Variants in FGF9 observed in about 807,000 individuals in gnomAD.
FGF9 encodes fibroblast growth factor 9 (glia-activating factor).
FGF9 carries 3 observed loss-of-function variants against 19.9 expected under a neutral mutation model. The observed-to-expected ratio is 0.15, with a 90% confidence interval of 0.07 to 0.39. The LOEUF is 0.39. FGF9 is among the 10% of genes least tolerant of loss of function. The pLI, the probability that FGF9 is intolerant of heterozygous loss-of-function variation, is 1.00. For synonymous variants in FGF9, 107 were observed against 106.9 expected (o/e 1.00, Z -0.01); for missense variants, 175 against 256.8 (o/e 0.68, Z 2.18).
chr13:21,702,375 G>T lies in FGF9; in HGVS notation c.*940G>T, dbSNP rs1872570402. On this transcript the variant is annotated 3_prime_UTR_variant, in exon 3 of 3. Transcript: ENST00000382353. ...TCCCAGAGGATTAAAGATAAACTGG[G>T]TCTCAAACTTTGATTCTGTGTCTGC... The T allele has an allele frequency of 6.6e-6, 1 of 152,188 alleles. No individual in the cohort carries two copies. The highest frequency in any genetic ancestry group is 1.5e-5 in the Non-Finnish European group (1 of 68,042). The allele number at this position is 152,188 out of a possible 1,614,324, so 9.4% of individuals were successfully genotyped here.
intron 2 of FGF9, among the ~76,000 whole-genome samples, chr13:21,684,267 G>A (rs1872107327): frequency 6.6e-6 from 1 of 150,932 alleles, no homozygotes; most frequent in South Asian, 2.1e-4. Flanking sequence ...TCACAGTACA[G>A]TTTACAGTGT....
At chr13:21,678,036 C>G (rs1182771947) in intron 1 of FGF9, among the ~76,000 whole-genome samples, 1 of 152,128 alleles carries the variant, frequency 6.6e-6, no homozygotes, top group Non-Finnish European at 1.5e-5. Flanking sequence ...GTTCTTCTTC[C>G]CAACAGATGG....
chr13:21,676,654 G>T (rs1871922115), intron 1 of FGF9, among the ~76,000 whole-genome samples: 1 of 152,200 alleles, frequency 6.6e-6, no homozygotes, highest in South Asian at 2.1e-4. Flanking sequence ...GCTCTGCAGG[G>T]AAGAGGCTTA....
At chr13:21,676,005 C>T (rs1446669922) in intron 1 of FGF9, among the ~76,000 whole-genome samples, 1 of 151,102 alleles carries the variant, frequency 6.6e-6, no homozygotes, top group Non-Finnish European at 1.5e-5. Flanking sequence ...AATTGTATCT[C>T]TGTGCAGTAG....
chr13:21,675,426 C>T (rs567343878), intron 1 of FGF9, among the ~76,000 whole-genome samples: 1 of 152,122 alleles, frequency 6.6e-6, no homozygotes, highest in Admixed American at 6.5e-5. Flanking sequence ...CAGCCCCGCC[C>T]GGAACGAGGC....
In FGF9 at chr13:21,672,164, A is replaced by T. The variant is rs1871784439; in HGVS notation, c.252A>T (p.Gly84=). 1.2e-6 allele frequency: 2 copies of T among 1,614,120 alleles called. No individual in the cohort carries two copies. The highest frequency in any genetic ancestry group is 1.3e-5 in the African/African-American group (1 of 74,926). ...LEIFPNGTIQ[G]TRKDHSRFGI... is the part of the protein sequence containing the mutation. ...TCTTCCCCAATGGTACTATCCAGGG[A>T]ACCAGGAAAGACCACAGCCGATTTG... is the stretch of plus-strand genomic sequence containing the variant. The change falls in exon 1 of 3, where the codon GGA becomes GGT. Residue 84 remains glycine, a synonymous_variant. Transcript: ENST00000382353. The surrounding 1 kb of genome is among the most constrained non-coding windows in gnomAD (Gnocchi z 4.2).
intron 2 of FGF9, among the ~76,000 whole-genome samples, chr13:21,682,515 A>C (rs1032708569): frequency 1.3e-5 from 2 of 152,160 alleles, no homozygotes; most frequent in Non-Finnish European, 2.9e-5. Flanking sequence ...AAATGCTAAA[A>C]TGTATTTGTA....
At position 21,672,330 on chromosome 13, in the gene FGF9, C is replaced by G; in HGVS notation, c.277+141C>G. 3 of 956,478 alleles carry G rather than the reference C, an allele frequency of 3.1e-6. No individual in the cohort carries two copies. Among genetic ancestry groups the G allele is most frequent in the South Asian group, 2.7e-5 (2 of 73,124 alleles). 59.2% of individuals were successfully genotyped at this position (956,478 alleles called of 1,614,324 possible). A position where few individuals can be genotyped will look rare whatever the true frequency, so the allele number is the denominator to read the frequency against. ...TCTCTGTATCTCTGTCTCTCTCTCTCTCTGTCTTGCCAGCTCCGAAAAAAA... is the reference window on the plus strand; with the variant it reads ...TCTCTGTATCTCTGTCTCTCTCTCTGTCTGTCTTGCCAGCTCCGAAAAAAA... On this transcript the variant is annotated intron_variant, in intron 1 of 2. Transcript: ENST00000382353. The surrounding 1 kb of genome is among the most constrained non-coding windows in gnomAD (Gnocchi z 4.2).
chr13:21,683,088 CA>C (rs1339072260), intron 2 of FGF9, among the ~76,000 whole-genome samples: 1 of 152,184 alleles, frequency 6.6e-6, no homozygotes, highest in East Asian at 1.9e-4. Context: ...CTCCAAGGAT[CA>C]CCTTGCACAC....
chr13:21,682,014 CT>C (rs1180691495), intron 2 of FGF9, among the ~76,000 whole-genome samples: 706 of 141,954 alleles, frequency 5.0e-3, no homozygotes, highest in Middle Eastern at 7.8e-3. Flanking sequence ...TCTTTTCTTT[CT>C]TTTTTTTTTT....
At chr13:21,693,971 TC>T (rs1286041287) in intron 2 of FGF9, among the ~76,000 whole-genome samples, 7 of 152,166 alleles carry the variant, frequency 4.6e-5, no homozygotes, top group African/African-American at 1.4e-4. Context: ...CTGCACTGAG[TC>T]CCTTTTTTCA....
Position 21,703,839 on chromosome 13 carries a change from A to G in FGF9, c.*2404A>G, listed in dbSNP as rs899142906. 2.6e-5 allele frequency: 4 copies of G among 152,198 alleles called. No homozygotes were observed. Among genetic ancestry groups the G allele is most frequent in the African/African-American group, 7.2e-5 (3 of 41,450 alleles). 9.4% of individuals were successfully genotyped at this position (152,198 alleles called of 1,614,324 possible). A position where few individuals can be genotyped will look rare whatever the true frequency, so the allele number is the denominator to read the frequency against. On this transcript the variant is annotated 3_prime_UTR_variant, in exon 3 of 3. Coordinates refer to ENST00000382353, the MANE Select transcript of FGF9 (RefSeq NM_002010.3). ...GACAAAAATCTTCATGCATTCCTATAAAACGCTACTTTAAGGTCTACTTTT... is the reference window on the plus strand; with the variant it reads ...GACAAAAATCTTCATGCATTCCTATGAAACGCTACTTTAAGGTCTACTTTT...
chr13:21,690,301 C>T (rs754448221), intron 2 of FGF9, among the ~76,000 whole-genome samples: 2 of 152,188 alleles, frequency 1.3e-5, no homozygotes, highest in Non-Finnish European at 2.9e-5. Context: ...CTTACACACT[C>T]ATTTGCTCAC....
intron 2 of FGF9, among the ~76,000 whole-genome samples, chr13:21,688,849 C>G (rs761034172): frequency 1.3e-5 from 2 of 150,890 alleles, no homozygotes; most frequent in Non-Finnish European, 2.9e-5. Flanking sequence ...GGACAATCGT[C>G]TTTTAAAATA....
chr13:21,688,960 G>T (rs886096013), intron 2 of FGF9, among the ~76,000 whole-genome samples: 5 of 152,142 alleles, frequency 3.3e-5, no homozygotes, highest in Non-Finnish European at 7.3e-5. Context: ...TAGAACACAG[G>T]TCTGGAGATT....
At position 21,672,620 on chromosome 13, in the gene FGF9, T is replaced by C. The variant is rs1871796179; in HGVS notation, c.277+431T>C. Among the ~76,000 whole-genome samples the C allele has an allele frequency of 6.6e-6, 1 of 152,186 alleles. No individual in the cohort carries two copies. Among genetic ancestry groups the C allele is most frequent in the Non-Finnish European group, 1.5e-5 (1 of 68,032 alleles). Reference sequence around the variant, plus strand: ...TGCCCAAATTAAGGTTTTTTTCCTTTCCCCCTTTCCTCTAGTAAGTATACT... The same window carrying C: ...TGCCCAAATTAAGGTTTTTTTCCTTCCCCCCTTTCCTCTAGTAAGTATACT... On this transcript the variant is annotated intron_variant, in intron 1 of 2. Coordinates refer to ENST00000382353, the MANE Select transcript of FGF9 (RefSeq NM_002010.3). This position sits in a 1 kb window ranked among gnomAD's most constrained non-coding sequence, Gnocchi z 4.2.
intron 2 of FGF9, among the ~76,000 whole-genome samples, chr13:21,690,979 A>G (rs17070428): frequency 0.027 from 4,067 of 152,362 alleles, 87 homozygotes; most frequent in South Asian, 0.056. Flanking sequence ...AGCAACAGAT[A>G]TTAAATGAGG....
intron 1 of FGF9, among the ~76,000 whole-genome samples, chr13:21,677,818 T>A (rs75431351): frequency 6.6e-6 from 1 of 152,220 alleles, no homozygotes; most frequent in East Asian, 1.9e-4. Context: ...TTTGAGGTGA[T>A]GAAATCTTTT....
Position 21,671,620 on chromosome 13 carries a change from A to T in FGF9, c.-293A>T, listed in dbSNP as rs1565947008. 1.8e-6 allele frequency: 1 copy of T among 547,280 alleles called. No homozygotes were observed. Among genetic ancestry groups the T allele is most frequent in the African/African-American group, 1.9e-5 (1 of 52,950 alleles). The allele number at this position is 547,280 out of a possible 1,614,324, so 33.9% of individuals were successfully genotyped here. A position where few individuals can be genotyped will look rare whatever the true frequency, so the allele number is the denominator to read the frequency against. ...TGGGATGAAGACCTTCCTGCCTGCTAAGAGCTGGGGATCTATCTATAGAGA... is the reference window on the plus strand; with the variant it reads ...TGGGATGAAGACCTTCCTGCCTGCTTAGAGCTGGGGATCTATCTATAGAGA... On this transcript the variant is annotated 5_prime_UTR_variant, in exon 1 of 3. The change creates a premature stop within an existing upstream ORF in the 5' untranslated region. Transcript: ENST00000382353.
Sources: gnomAD v4.1 joint callset for allele counts (sites outside exome capture counted in the v4.1 genomes callset) on GRCh38, gnomAD v4.1.1 for gene constraint, Gnocchi (gnomAD v3.1) non-coding constraint, MANE v1.5 for transcripts, NCBI Gene and HGNC (gene_info 2026-07-23, HGNC 2026-07-21) for gene names.